NAALADL2: variants seen among roughly 807,000 people sequenced by gnomAD.
NAALADL2 encodes N-acetylated alpha-linked acidic dipeptidase like 2, also known as inactive N-acetylated-alpha-linked acidic dipeptidase-like protein 2.
A neutral mutation model predicts 87.2 loss-of-function variants in NAALADL2; 76 were observed. That is an observed-to-expected ratio of 0.87 (90% confidence interval 0.72 to 1.05). The LOEUF (loss-of-function observed/expected upper bound fraction) is 1.05, where lower values mean the gene tolerates loss of function less well. NAALADL2 is among the 50% of genes least tolerant of loss of function. The pLI is 0.00. For synonymous variants in NAALADL2, 354 were observed against 331.0 expected (o/e 1.07, Z -0.75); for missense variants, 1,089 against 945.8 (o/e 1.15, Z -1.99).
chr3:175,226,416 T>C, intron 2 of NAALADL2, among the ~76,000 whole-genome samples: 1 of 152,132 alleles, frequency 6.6e-6, no homozygotes, highest in East Asian at 1.9e-4. Flanking sequence ...CCAGATACAG[T>C]GCTTTCTAAC....
At chr3:175,165,616 C>T (rs1580759300) in intron 2 of NAALADL2, among the ~76,000 whole-genome samples, 1 of 151,986 alleles carries the variant, frequency 6.6e-6, no homozygotes, top group East Asian at 1.9e-4. Flanking sequence ...GTTTAGCTTC[C>T]CCTCTTCAAA....
At chr3:175,738,499 G>C (rs186935825) in intron 12 of NAALADL2, among the ~76,000 whole-genome samples, 3 of 152,082 alleles carry the variant, frequency 2.0e-5, no homozygotes, top group Admixed American at 1.3e-4. Context: ...TGCCTGCCTC[G>C]GCCTCCCGAA....
chr3:175,531,698 A>C (rs1734107125), intron 9 of NAALADL2, among the ~76,000 whole-genome samples: 1 of 152,244 alleles, frequency 6.6e-6, no homozygotes, highest in Non-Finnish European at 1.5e-5. Flanking sequence ...GCATTTGCCA[A>C]GTCAGTGGCT....
In NAALADL2 at chr3:175,248,208, AC is replaced by A. The variant is rs547338274; in HGVS notation, c.820-8202del. Among the ~76,000 whole-genome samples, 1,282 of 152,292 alleles carry A rather than the reference AC, an allele frequency of 8.4e-3. 17 individuals are homozygous for A. The highest frequency in any genetic ancestry group is 0.029 in the African/African-American group (1,220 of 41,552). On this transcript the variant is annotated intron_variant, in intron 3 of 13. Coordinates refer to ENST00000454872, the MANE Select transcript of NAALADL2 (RefSeq NM_207015.3). ...TGTTCTACTATTTAGTAGCTCTGTGACTGTGAAAATGTTACTTACCATCTCC... is the reference window on the plus strand; with the variant it reads ...TGTTCTACTATTTAGTAGCTCTGTGATGTGAAAATGTTACTTACCATCTCC...
intron 1 of NAALADL2, among the ~76,000 whole-genome samples, chr3:174,998,907 T>C (rs1365370277): frequency 5.3e-5 from 8 of 152,324 alleles, no homozygotes; most frequent in South Asian, 2.1e-4. Flanking sequence ...AGAATAATCA[T>C]CTATTAGAAG....
intron 4 of NAALADL2, among the ~76,000 whole-genome samples, chr3:175,276,342 TAGACTGG>T (rs1054239361): frequency 1.3e-4 from 20 of 149,230 alleles, no homozygotes; most frequent in African/African-American, 4.9e-4. Context: ...GCTCTGCTGC[TAGACTGG>T]AGTGCAGCAG....
chr3:174,882,785 G>A (rs1729534573), intron 1 of NAALADL2, among the ~76,000 whole-genome samples: 1 of 110,504 alleles, frequency 9.0e-6, no homozygotes, highest in South Asian at 2.9e-4. Flanking sequence ...ATATACATAT[G>A]TGTATATATA....
chr3:174,879,947 G>A (rs1728991087), intron 1 of NAALADL2, among the ~76,000 whole-genome samples: 1 of 151,982 alleles, frequency 6.6e-6, no homozygotes, highest in Non-Finnish European at 1.5e-5. Context: ...CATCCTCCCT[G>A]TATCCCTGGT....
At chr3:175,265,646 A>G (rs555846826) in intron 4 of NAALADL2, among the ~76,000 whole-genome samples, 1 of 151,730 alleles carries the variant, frequency 6.6e-6, no homozygotes, top group African/African-American at 2.4e-5. Context: ...GGAAGGAAAC[A>G]TTATTGGAAA....
chr3:174,447,620 A>G (rs965900979), intron 1 of NAALADL2, among the ~76,000 whole-genome samples: 1 of 152,068 alleles, frequency 6.6e-6, no homozygotes, highest in Non-Finnish European at 1.5e-5. Context: ...GATTGAGACC[A>G]TTCTGGCTAA....
intron 2 of NAALADL2, among the ~76,000 whole-genome samples, chr3:175,130,537 G>A (rs1727664308): frequency 6.6e-6 from 1 of 152,108 alleles, no homozygotes; most frequent in Non-Finnish European, 1.5e-5. Context: ...TAAGACAAGG[G>A]TCCAATGTCA....
At chr3:175,491,387 C>T (rs1560642091) in intron 9 of NAALADL2, among the ~76,000 whole-genome samples, 1 of 151,464 alleles carries the variant, frequency 6.6e-6, no homozygotes, top group Non-Finnish European at 1.5e-5. Context: ...GTGTATTTGT[C>T]TTCTGTGCTT....
intron 9 of NAALADL2, among the ~76,000 whole-genome samples, chr3:175,533,479 GA>G (rs1159175983): frequency 6.6e-6 from 1 of 152,150 alleles, no homozygotes. Context: ...GATCTCCTCA[GA>G]AAGGCTGATG....
intron 9 of NAALADL2, among the ~76,000 whole-genome samples, chr3:175,570,158 A>G (rs1717833487): frequency 6.6e-6 from 1 of 152,186 alleles, no homozygotes; most frequent in Non-Finnish European, 1.5e-5. Context: ...AACCAAAGAA[A>G]GGAAAAGACC....
intron 2 of NAALADL2, among the ~76,000 whole-genome samples, chr3:174,614,194 A>G (rs536989): frequency 0.62 from 93,967 of 151,996 alleles, 29,696 homozygotes; most frequent in East Asian, 0.87. Flanking sequence ...CCCAGCTAGT[A>G]TAGTTGAAAT....
chr3:174,656,014 C>G (rs927987268), intron 2 of NAALADL2, among the ~76,000 whole-genome samples: 6 of 152,160 alleles, frequency 3.9e-5, no homozygotes, highest in African/African-American at 1.4e-4. Flanking sequence ...TGGTACTTTA[C>G]ACATGCCGAG....
At chr3:174,704,780 T>C (rs1318443815) in intron 2 of NAALADL2, among the ~76,000 whole-genome samples, 2 of 152,160 alleles carry the variant, frequency 1.3e-5, no homozygotes, top group Admixed American at 1.3e-4. Flanking sequence ...ATTCATATCA[T>C]AGAACAGTAA....
rs559026813 is a variant in NAALADL2, at chr3:175,147,761, C to A, written c.545+50470C>A. 2.0e-5 allele frequency among the ~76,000 whole-genome samples: 3 copies of A among 152,154 alleles called. No homozygotes were observed. The South Asian group carries it at 6.2e-4, about 32-fold the overall frequency. On this transcript the variant is annotated intron_variant, in intron 2 of 13. Transcript: ENST00000454872. Reference sequence around the variant, plus strand: ...GCAGCCTCGTCAGCATCTGTTGTTTCTTGACTTTTTAATAATACCCATTTT... The same window carrying A: ...GCAGCCTCGTCAGCATCTGTTGTTTATTGACTTTTTAATAATACCCATTTT...
At chr3:175,693,900 G>A (rs1737386745) in intron 11 of NAALADL2, among the ~76,000 whole-genome samples, 1 of 151,952 alleles carries the variant, frequency 6.6e-6, no homozygotes, top group South Asian at 2.1e-4. Context: ...TCACCGTGTT[G>A]GCCAGGATGG....
Sources: gnomAD v4.1 joint callset for allele counts (sites outside exome capture counted in the v4.1 genomes callset) on GRCh38, gnomAD v4.1.1 for gene constraint, MANE v1.5 for transcripts, NCBI Gene and HGNC (gene_info 2026-07-23, HGNC 2026-07-21) for gene names.